The following DPY19L3 variants were observed in gnomAD, a reference collection of about 807,000 sequenced individuals.
The protein encoded by DPY19L3 is protein C-mannosyl-transferase DPY19L3.
DPY19L3 carries 51 observed loss-of-function variants against 92.3 expected under a neutral mutation model. The observed-to-expected ratio is 0.55, with a 90% confidence interval of 0.44 to 0.70. DPY19L3 has a LOEUF of 0.70. Ranked by LOEUF, DPY19L3 falls within the 30% of genes least tolerant of loss-of-function variation. The pLI is 0.00. For synonymous variants in DPY19L3, 309 were observed against 315.2 expected (o/e 0.98, Z 0.21); for missense variants, 706 against 855.9 (o/e 0.82, Z 2.18).
At chr19:32,442,018 T>G (rs1599630300) in intron 8 of DPY19L3, among the ~76,000 whole-genome samples, 1 of 152,228 alleles carries the variant, frequency 6.6e-6, no homozygotes, top group East Asian at 1.9e-4. Flanking sequence ...ACTAAATTGC[T>G]GCTGTCAGGT....
Position 32,482,532 on chromosome 19 carries a change from G to T in DPY19L3, c.*292G>T. On this transcript the variant is annotated 3_prime_UTR_variant, in exon 19 of 19. Transcript: ENST00000392250. ...TGGAGAGAATGATGTGTGTTCCATG[G>T]ATACCTGGATAGGCACATAACATGT... 1.1e-5 allele frequency: 3 copies of T among 274,024 alleles called. No homozygotes were observed. The South Asian group carries it at 1.9e-4, about 18-fold the overall frequency. 17.0% of individuals were successfully genotyped at this position (274,024 alleles called of 1,614,324 possible).
chr19:32,463,054 T>G (rs1209917182), intron 12 of DPY19L3, among the ~76,000 whole-genome samples: 1 of 150,488 alleles, frequency 6.6e-6, no homozygotes, highest in East Asian at 2.0e-4. Context: ...AAAATCTCTT[T>G]CAATTTCAGC....
At chr19:32,411,930 G>A (rs1328847254) in intron 3 of DPY19L3, 2 of 152,528 alleles carry the variant, frequency 1.3e-5, no homozygotes, top group African/African-American at 4.8e-5. Context: ...AGGCTAGAAT[G>A]CAGTGGTGCA....
chr19:32,419,818 C>G (rs910441510), intron 3 of DPY19L3, among the ~76,000 whole-genome samples: 3 of 151,820 alleles, frequency 2.0e-5, no homozygotes, highest in African/African-American at 7.3e-5. Flanking sequence ...TTTTTTACTG[C>G]CCTTTATTGT....
At chr19:32,432,114 A>C (rs1038270831) in intron 3 of DPY19L3, among the ~76,000 whole-genome samples, 4 of 152,208 alleles carry the variant, frequency 2.6e-5, no homozygotes, top group Admixed American at 6.5e-5. Flanking sequence ...CTTCTGTTTT[A>C]TAGTAATAAT....
chr19:32,410,770 A>G (rs1177883749), intron 2 of DPY19L3, among the ~76,000 whole-genome samples: 1 of 152,222 alleles, frequency 6.6e-6, no homozygotes, highest in Non-Finnish European at 1.5e-5. Context: ...GCAACAGAAC[A>G]AGATCCTGTC....
intron 7 of DPY19L3, among the ~76,000 whole-genome samples, chr19:32,439,554 C>T (rs555096288): frequency 6.6e-6 from 1 of 152,242 alleles, no homozygotes; most frequent in East Asian, 1.9e-4. Context: ...ATTATCGCCT[C>T]CATAATAGTG....
Position 32,461,468 on chromosome 19 carries a change from C to G in DPY19L3, c.1323-1898C>G, listed in dbSNP as rs1354705109. Among the ~76,000 whole-genome samples, 3 of 152,158 alleles carry G rather than the reference C, an allele frequency of 2.0e-5. No homozygotes were observed. The East Asian group carries it at 5.8e-4, about 29-fold the overall frequency. On this transcript the variant is annotated intron_variant, in intron 12 of 18. Transcript: ENST00000392250. ...GGATAAGAGCAGATACTCCCCTTGTCTGTTTTATTTTTATTTACTTTTCAC... is the reference window on the plus strand; with the variant it reads ...GGATAAGAGCAGATACTCCCCTTGTGTGTTTTATTTTTATTTACTTTTCAC...
chr19:32,433,008 T>G (rs1969020661), intron 4 of DPY19L3, among the ~76,000 whole-genome samples: 1 of 152,214 alleles, frequency 6.6e-6, no homozygotes, highest in Admixed American at 6.5e-5. Context: ...CTCTTTGCCT[T>G]CCAGCTCTGT....
At position 32,464,723 on chromosome 19, in the gene DPY19L3, T is replaced by C. The variant is rs748802810; in HGVS notation, c.1558-5T>C. On this transcript the variant is annotated splice_region_variant and splice_polypyrimidine_tract_variant and intron_variant, in intron 14 of 18. Transcript: ENST00000392250. ...TATAATCTAAATAATGTCTTTCTTA[T>C]ATAGATATGTATAATGCGATATTCA... 2.8e-6 allele frequency: 4 copies of C among 1,429,046 alleles called. No individual in the cohort carries two copies. In the South Asian group the frequency reaches 3.9e-5, roughly 14 times the overall value. The allele number at this position is 1,429,046 out of a possible 1,614,324, so 88.5% of individuals were successfully genotyped here.
rs1469934386 is a variant in DPY19L3 at position 32,463,475 on chromosome 19, T to C, written c.1432T>C (p.Leu478=). The C allele has an allele frequency of 6.2e-7, 1 of 1,613,428 alleles. No homozygotes were observed. Among genetic ancestry groups the C allele is most frequent in the South Asian group, 1.1e-5 (1 of 90,984 alleles). Residue 478 remains leucine (L), a synonymous_variant, in exon 13 of 19, where the codon TTG becomes CTG. Coordinates refer to ENST00000392250, the MANE Select transcript of DPY19L3 (RefSeq NM_001172774.2). ...IHTILFGFLA[L]STMRMKYLWT... is the part of the protein sequence containing the mutation. ...TACCATTCTGTTTGGATTCTTGGCA[T>C]TGAGTACAATGAGGTATTTTTGTCT...
At chr19:32,447,802 CATAGATAGATAGATTAGATAG>C (rs1599638857) in intron 8 of DPY19L3, among the ~76,000 whole-genome samples, 2 of 85,466 alleles carry the variant, frequency 2.3e-5, no homozygotes, top group Admixed American at 1.2e-4. Flanking sequence ...CCATCTCATT[CATAGATAGATAGATTAGATAG>C]ATAGATAGAT....
intron 17 of DPY19L3, 103 bp downstream of exon 17, chr19:32,477,757 T>TC: frequency 6.8e-7 from 1 of 1,470,704 alleles, no homozygotes; most frequent in Non-Finnish European, 9.2e-7. Flanking sequence ...CCTCCAGCAT[T>TC]AGGTTAGGAG....
At chr19:32,443,775 T>C (rs1213098723) in intron 8 of DPY19L3, among the ~76,000 whole-genome samples, 1 of 152,174 alleles carries the variant, frequency 6.6e-6, no homozygotes, top group Non-Finnish European at 1.5e-5. Context: ...AAATCACTTC[T>C]TAGGCCGAGC....
intron 18 of DPY19L3, chr19:32,481,073 G>A (rs1267886970): frequency 2.0e-5 from 6 of 301,672 alleles, no homozygotes; most frequent in Admixed American, 1.5e-4. Flanking sequence ...GCACTCCAGA[G>A]CAGAAAAGCA....
intron 8 of DPY19L3, among the ~76,000 whole-genome samples, chr19:32,449,062 G>GA (rs1269976691): frequency 3.3e-5 from 5 of 151,936 alleles, no homozygotes; most frequent in Admixed American, 1.3e-4. Context: ...GATGTTTTTG[G>GA]AAAAAAAGCA....
At chr19:32,480,285 G>C in intron 17 of DPY19L3, 114 bp from the exon 18 acceptor site, 1 of 1,216,032 alleles carries the variant, frequency 8.2e-7, no homozygotes. Context: ...GGGCTGGAGA[G>C]AGCACCTTGG....
chr19:32,453,591 T>C (rs1365370103), intron 9 of DPY19L3, among the ~76,000 whole-genome samples: 2 of 152,134 alleles, frequency 1.3e-5, no homozygotes, highest in Admixed American at 6.5e-5. Flanking sequence ...TTAATTTTTA[T>C]GTGTGTGAAC....
intron 8 of DPY19L3, among the ~76,000 whole-genome samples, chr19:32,452,919 T>A (rs1969750520): frequency 6.6e-6 from 1 of 151,692 alleles, no homozygotes; most frequent in Non-Finnish European, 1.5e-5. Context: ...TTGGCCAGGC[T>A]GGTCTTGAAC....
Sources: allele counts gnomAD v4.1 joint callset (sites outside exome capture counted in the v4.1 genomes callset), GRCh38; gene constraint gnomAD v4.1.1; transcripts MANE v1.5; gene names NCBI Gene and HGNC (gene_info 2026-07-23, HGNC 2026-07-21).